ACP1: variants seen among roughly 807,000 people sequenced by gnomAD.
ACP1 encodes acid phosphatase 1.
A neutral mutation model predicts 23.4 loss-of-function variants in ACP1; 23 were observed. The ratio of observed to expected loss-of-function variants is 0.98; its 90% confidence interval spans 0.71 to 1.39. ACP1 has a LOEUF of 1.39. ACP1 is among the 40% of genes most tolerant of loss of function. The pLI is 0.00. For missense variants in ACP1, 180 were observed against 197.7 expected (o/e 0.91, Z 0.54); for synonymous variants, 72 against 67.2 (o/e 1.07, Z -0.35).
chr2:270,605 A>G (rs1670001742), intron 1 of ACP1, among the ~76,000 whole-genome samples: 1 of 152,144 alleles, frequency 6.6e-6, no homozygotes, highest in African/African-American at 2.4e-5. Flanking sequence ...ATTATAATAA[A>G]TATAATAAAT....
chr2:272,477 C>G, intron 3 of ACP1: 1 of 1,433,714 alleles, frequency 7.0e-7, no homozygotes, highest in Non-Finnish European at 9.1e-7. Context: ...AAAGACTTGC[C>G]TGACTTTGGA....
intron 1 of ACP1, 145 bp from the exon 2 acceptor site, chr2:271,721 C>A (rs1316135903): frequency 4.2e-6 from 3 of 710,720 alleles, no homozygotes; most frequent in African/African-American, 3.5e-5. Context: ...ACTGGTTGGA[C>A]AAAGGCGTCA....
At chr2:270,898 T>C (rs1670010901) in intron 1 of ACP1, among the ~76,000 whole-genome samples, 1 of 152,128 alleles carries the variant, frequency 6.6e-6, no homozygotes, top group East Asian at 1.9e-4. Flanking sequence ...TATAATGAAA[T>C]TGTAATGGTA....
intron 3 of ACP1, chr2:274,731 C>G (rs1670128598): frequency 6.6e-6 from 1 of 152,622 alleles, no homozygotes; most frequent in African/African-American, 2.4e-5. Flanking sequence ...GGACGCGGCT[C>G]TGTCCACTTA....
chr2:271,130 G>A (rs1464369995), intron 1 of ACP1, among the ~76,000 whole-genome samples: 1 of 152,112 alleles, frequency 6.6e-6, no homozygotes, highest in African/African-American at 2.4e-5. Context: ...AAATGTTGGT[G>A]TTGAATCGCT....
At chr2:265,513 G>A (rs377037175) in intron 1 of ACP1, among the ~76,000 whole-genome samples, 8 of 152,312 alleles carry the variant, frequency 5.3e-5, no homozygotes, top group South Asian at 2.1e-4. Context: ...AGACCTGGAG[G>A]TCCCTATATA....
At position 264,986 on chromosome 2, in the gene ACP1, T is replaced by A; in HGVS notation, c.22T>A (p.Ser8Thr). Residue 8 changes from serine to threonine, a missense_variant, in exon 1 of 6, where the codon TCC becomes ACC. Physicochemically the swap from Ser to Thr is moderately conservative, Grantham distance 58. Transcript: ENST00000272065. ...GAAGATGGCGGAACAGGCTACCAAG[T>A]CCGTGCTGTTTGTGTGTCTGGGTAA... MAEQATK[S>T]VLFVCLGNIC... The A allele has an allele frequency of 6.2e-7, 1 of 1,613,154 alleles. No individual in the cohort carries two copies.
At chr2:270,237 G>A (rs370132285) in intron 1 of ACP1, among the ~76,000 whole-genome samples, 6 of 152,300 alleles carry the variant, frequency 3.9e-5, no homozygotes, top group African/African-American at 1.4e-4. Flanking sequence ...TATGTTTGTT[G>A]AATAAGTCAT....
chr2:268,966 A>G (rs899776370), intron 1 of ACP1, among the ~76,000 whole-genome samples: 4 of 152,228 alleles, frequency 2.6e-5, no homozygotes, highest in Non-Finnish European at 4.4e-5. Context: ...TTTTACAGTT[A>G]AAGATAATTA....
At chr2:274,524 TAGTC>T (rs1366626763) in intron 3 of ACP1, 1 of 152,314 alleles carries the variant, frequency 6.6e-6, no homozygotes, top group Admixed American at 6.5e-5. Context: ...AAATTATGGA[TAGTC>T]AATCAAAATA....
intron 1 of ACP1, chr2:265,210 TG>T: frequency 1.9e-6 from 1 of 531,476 alleles, no homozygotes. Context: ...CCGCTAAACC[TG>T]GGTCCCCTCG....
At chr2:265,095 G>A in intron 1 of ACP1, 88 bp downstream of exon 1, 2 of 1,536,474 alleles carry the variant, frequency 1.3e-6, no homozygotes, top group East Asian at 2.3e-5. Context: ...GCCGGCCTAG[G>A]AACCATGAGG....
rs1130615 is a variant in ACP1 at position 272,095 on chromosome 2, G to A, written c.176G>A (p.Arg59Gln). Residue 59 changes from arginine (R) to glutamine (Q), a missense_variant, in exon 3 of 6, where the codon CGA becomes CAA. Around this residue, in one of 3 missense-constraint regions of ACP1, gnomAD observed 132 missense variants for 124.1 expected, o/e 1.06. Transcript: ENST00000272065. ...GAGATAGGGAACCCCCCTGACTACCGAGGGCAGAGCTGCATGAAGAGGCAC... is the reference window on the plus strand; with the variant it reads ...GAGATAGGGAACCCCCCTGACTACCAAGGGCAGAGCTGCATGAAGAGGCAC... The part of the protein sequence containing the change: ...GYEIGNPPDY[R>Q]GQSCMKRHGI... 8 of 1,614,078 alleles carry A rather than the reference G, an allele frequency of 5.0e-6. No individual in the cohort carries two copies. The South Asian group carries it at 7.7e-5, about 16-fold the overall frequency.
chr2:273,456 A>G (rs1670097000), intron 3 of ACP1, among the ~76,000 whole-genome samples: 1 of 152,182 alleles, frequency 6.6e-6, no homozygotes, highest in African/African-American at 2.4e-5. Flanking sequence ...TGGGGCCTGC[A>G]CCTTTTTTTG....
intron 1 of ACP1, chr2:265,308 C>G (rs1034087726): frequency 1.1e-5 from 4 of 368,962 alleles, no homozygotes; most frequent in African/African-American, 8.6e-5. Flanking sequence ...TAGAATCCCT[C>G]TCGTTCCCCT....
intron 1 of ACP1, chr2:269,459 C>A: frequency 2.4e-6 from 1 of 411,414 alleles, no homozygotes; most frequent in Non-Finnish European, 5.0e-6. Flanking sequence ...AGAAGATCCT[C>A]ATTGTATTTG....
intron 3 of ACP1, 81 bp from the exon 4 acceptor site, chr2:275,059 T>A (rs899121938): frequency 6.9e-5 from 42 of 606,300 alleles, no homozygotes; most frequent in Non-Finnish European, 9.9e-5. Flanking sequence ...ACAGCAGTTT[T>A]TTTTTTCTTT....
rs184583212 is a variant in ACP1 at position 277,568 on chromosome 2, C to T, written c.*264C>T. The T allele has an allele frequency of 2.1e-6, 1 of 484,878 alleles. No individual in the cohort carries two copies. Among genetic ancestry groups the T allele is most frequent in the East Asian group, 3.5e-5 (1 of 28,190 alleles). 30.0% of individuals were successfully genotyped at this position (484,878 alleles called of 1,614,324 possible). On this transcript the variant is annotated 3_prime_UTR_variant, in exon 6 of 6. Transcript: ENST00000272065. Reference sequence around the variant, plus strand: ...TGAACATCTCACTTTGCCCCAGTTACAAAAATAGTAGAACAAGCAACATAA... The same window carrying T: ...TGAACATCTCACTTTGCCCCAGTTATAAAAATAGTAGAACAAGCAACATAA...
rs558759835 is a variant in ACP1, at chr2:272,486, G to C, written c.231+336G>C. 3 of 1,432,416 alleles carry C rather than the reference G, an allele frequency of 2.1e-6. 1 individual carries two copies. The highest frequency in any genetic ancestry group is 2.7e-6 in the Non-Finnish European group (3 of 1,099,926). The allele number at this position is 1,432,416 out of a possible 1,614,324, so 88.7% of individuals were successfully genotyped here. ...GTGTTGAAAGACTTGCCTGACTTTG[G>C]AATTTACTTATTAAAATGCACATAA... On this transcript the variant is annotated intron_variant, in intron 3 of 5. Transcript: ENST00000272065.
Sources: allele counts gnomAD v4.1 joint callset (sites outside exome capture counted in the v4.1 genomes callset), GRCh38; gene constraint gnomAD v4.1.1; regional missense constraint gnomAD v4.1.1; transcripts MANE v1.5; gene names NCBI Gene and HGNC (gene_info 2026-07-23, HGNC 2026-07-21).